The following ARHGEF10L variants were observed in gnomAD, a reference collection of about 807,000 sequenced individuals.
ARHGEF10L encodes the protein Rho guanine nucleotide exchange factor 10 like.
ARHGEF10L carries 69 observed loss-of-function variants against 141.2 expected under a neutral mutation model. The ratio of observed to expected loss-of-function variants is 0.49; its 90% CI spans 0.40 to 0.60. ARHGEF10L has a LOEUF of 0.60. Ranked by LOEUF, ARHGEF10L falls within the 20% of genes least tolerant of loss-of-function variation. The probability of loss-of-function intolerance (pLI) is 0.00; values close to 1 mark genes in which losing one functional copy is unlikely to be tolerated. For synonymous variants in ARHGEF10L, 711 were observed against 718.5 expected, an observed-to-expected ratio of 0.99 and a Z score of 0.17; for missense variants, 1,482 against 1,734.3, an observed-to-expected ratio of 0.85 and a Z score of 2.58.
At position 17,588,482 on chromosome 1, in the gene ARHGEF10L, A is replaced by G. The variant is rs750431217; in HGVS notation, c.257+3A>G. Reference sequence around the variant, plus strand: ...GCAGCTGCTCCACCCGGCACAGGGTAAGTGAACCTTGCTCCTTTGCTTTGG... The same window carrying G: ...GCAGCTGCTCCACCCGGCACAGGGTGAGTGAACCTTGCTCCTTTGCTTTGG... On this transcript the variant is annotated splice_donor_region_variant and intron_variant, in intron 4 of 28. Transcript: ENST00000361221. 6.2e-7 allele frequency: 1 copy of G among 1,613,952 alleles called. No homozygotes were observed. The highest frequency in any genetic ancestry group is 8.5e-7 in the Non-Finnish European group (1 of 1,179,924).
At chr1:17,691,347 G>A (rs1229781729) in intron 27 of ARHGEF10L, among the ~76,000 whole-genome samples, 2 of 152,134 alleles carry the variant, frequency 1.3e-5, no homozygotes, top group African/African-American at 4.8e-5. Flanking sequence ...TGCAGATGAA[G>A]CCATTTCTCA....
chr1:17,527,790 C>G, the ARHGEF10L span, among the ~76,000 whole-genome samples: 1 of 151,944 alleles, frequency 6.6e-6, no homozygotes, highest in Non-Finnish European at 1.5e-5. Flanking sequence ...GACCTATTCA[C>G]TGAGGGGGTA....
At chr1:17,533,629 C>T in the ARHGEF10L span, among the ~76,000 whole-genome samples, 3 of 152,110 alleles carry the variant, frequency 2.0e-5, no homozygotes, top group South Asian at 2.1e-4. Flanking sequence ...AGCTTGTTTC[C>T]CCCCAGATGC....
chr1:17,647,843 C>T (rs1432227146), intron 21 of ARHGEF10L, among the ~76,000 whole-genome samples: 3 of 152,108 alleles, frequency 2.0e-5, no homozygotes, highest in African/African-American at 7.2e-5. Flanking sequence ...GGAGCCTCCA[C>T]AGAGAACGAG....
At chr1:17,551,277 G>A (rs1031828263) in intron 1 of ARHGEF10L, among the ~76,000 whole-genome samples, 2 of 152,122 alleles carry the variant, frequency 1.3e-5, no homozygotes, top group Non-Finnish European at 2.9e-5. Flanking sequence ...AAGGTGTGGC[G>A]CCCCTTAATC....
chr1:17,671,965 G>C (rs1193229314), intron 26 of ARHGEF10L, among the ~76,000 whole-genome samples: 2 of 152,186 alleles, frequency 1.3e-5, no homozygotes, highest in Non-Finnish European at 2.9e-5. Flanking sequence ...GGGGGTGGGG[G>C]CATTGCAGAG....
At chr1:17,567,060 T>C (rs1189351285) in intron 1 of ARHGEF10L, among the ~76,000 whole-genome samples, 2 of 152,184 alleles carry the variant, frequency 1.3e-5, no homozygotes, top group African/African-American at 2.4e-5. Flanking sequence ...GCAGATGGTG[T>C]CCCCGTGTCC....
At chr1:17,665,114 C>G (rs1236617889) in intron 26 of ARHGEF10L, among the ~76,000 whole-genome samples, 1 of 152,218 alleles carries the variant, frequency 6.6e-6, no homozygotes, top group Non-Finnish European at 1.5e-5. Context: ...CTGTCTCTGA[C>G]CAATAGCACT....
At chr1:17,550,934 G>A (rs147912381) in intron 1 of ARHGEF10L, among the ~76,000 whole-genome samples, 1 of 152,188 alleles carries the variant, frequency 6.6e-6, no homozygotes, top group East Asian at 1.9e-4. Flanking sequence ...AACACCTGGG[G>A]AGGATCGGCC....
chr1:17,606,300 C>CT (rs1042783664), intron 6 of ARHGEF10L, among the ~76,000 whole-genome samples: 65 of 147,026 alleles, frequency 4.4e-4, no homozygotes, highest in East Asian at 7.9e-4. Context: ...TCTTCTTCTT[C>CT]TTTTTTTTTT....
At chr1:17,638,808 G>A in intron 20 of ARHGEF10L, 119 bp downstream of exon 20, 5 of 1,444,012 alleles carry the variant, frequency 3.5e-6, no homozygotes, top group Non-Finnish European at 4.6e-6. Flanking sequence ...GGTGGGAGTG[G>A]ATATGTAGGC....
rs529032438 is a variant in ARHGEF10L, at chr1:17,582,156, G to T, written c.37+1524G>T. On this transcript the variant is annotated intron_variant, in intron 2 of 28. Transcript: ENST00000361221. ...GATTGCCGGGGGGAGGATAGAAGGC[G>T]GCCTTGGAGACAAGCACATCTCACC... is the stretch of plus-strand genomic sequence containing the variant. 6.0e-3 allele frequency among the ~76,000 whole-genome samples: 907 copies of T among 152,180 alleles called. 8 individuals carry two copies. The highest frequency in any genetic ancestry group is 0.028 in the South Asian group (136 of 4,810).
At chr1:17,606,600 CTTTTTT>C (rs35330278) in intron 6 of ARHGEF10L, among the ~76,000 whole-genome samples, 7 of 144,066 alleles carry the variant, frequency 4.9e-5, no homozygotes, top group African/African-American at 1.8e-4. Flanking sequence ...AGTCAGATTC[CTTTTTT>C]TTTTTTTTTA....
intron 1 of ARHGEF10L, among the ~76,000 whole-genome samples, chr1:17,557,356 C>CA (rs142762660): frequency 0.055 from 8,133 of 148,386 alleles, 315 homozygotes; most frequent in South Asian, 0.19. Context: ...AAAAAAAAAA[C>CA]AAAAAAAACC....
intron 7 of ARHGEF10L, among the ~76,000 whole-genome samples, chr1:17,612,789 C>G (rs536494969): frequency 1.3e-5 from 2 of 152,332 alleles, no homozygotes; most frequent in African/African-American, 4.8e-5. Context: ...CCTCCCGCCT[C>G]TCCGCCCCAG....
At chr1:17,651,691 G>C (rs3766311) in intron 22 of ARHGEF10L, among the ~76,000 whole-genome samples, 19,762 of 152,236 alleles carry the variant, frequency 0.13, 1,474 homozygotes, top group Non-Finnish European at 0.17. Context: ...TCAGGGCCCA[G>C]GAATATGTAG....
At chr1:17,532,238 T>C in the ARHGEF10L span, among the ~76,000 whole-genome samples, 56,203 of 152,074 alleles carry the variant, frequency 0.37, 10,947 homozygotes, top group Non-Finnish European at 0.42. Context: ...CCCTGTCTGC[T>C]GTCAGCTGAC....
intron 25 of ARHGEF10L, among the ~76,000 whole-genome samples, chr1:17,661,736 A>T (rs2062639180): frequency 6.6e-6 from 1 of 152,190 alleles, no homozygotes; most frequent in Non-Finnish European, 1.5e-5. Context: ...AGCCACGAAC[A>T]CTACTCACCT....
intron 27 of ARHGEF10L, chr1:17,689,833 G>A (rs1472861713): frequency 4.4e-6 from 2 of 456,108 alleles, no homozygotes; most frequent in Admixed American, 2.4e-5. Flanking sequence ...GCAGAGGAGA[G>A]TGAGAGAGAG....
Sources: allele counts gnomAD v4.1 joint callset (sites outside exome capture counted in the v4.1 genomes callset), GRCh38; gene constraint gnomAD v4.1.1; transcripts MANE v1.5; gene names NCBI Gene and HGNC (gene_info 2026-07-23, HGNC 2026-07-21).